Variants in ERC2 observed in about 807,000 individuals in gnomAD.
ERC2 encodes the protein ELKS/RAB6-interacting/CAST family member 2, also known as ERC protein 2.
Under a neutral mutation model 114.8 loss-of-function variants are expected in ERC2, and 42 were observed. The observed-to-expected ratio is 0.37, with a 90% CI of 0.29 to 0.47. ERC2 has a LOEUF of 0.47. ERC2 is among the 20% of genes least tolerant of loss of function. ERC2 has a pLI of 0.99. For synonymous variants in ERC2, 454 were observed against 425.5 expected (o/e 1.07, Z -0.82); for missense variants, 939 against 1,150.7 (o/e 0.82, Z 2.66).
chr3:55,876,562 G>A (rs2062856044), intron 14 of ERC2, among the ~76,000 whole-genome samples: 2 of 152,208 alleles, frequency 1.3e-5, no homozygotes, highest in Non-Finnish European at 2.9e-5. Flanking sequence ...AAACAAAAGT[G>A]GAAAGAGAGT....
chr3:56,242,745 GA>G (rs1384398946), intron 3 of ERC2, among the ~76,000 whole-genome samples: 1 of 151,958 alleles, frequency 6.6e-6, no homozygotes, highest in Non-Finnish European at 1.5e-5. Flanking sequence ...AAGAAACAAA[GA>G]AAGAAAAAGT....
At chr3:55,523,147 G>A (rs1575463510) in intron 17 of ERC2, among the ~76,000 whole-genome samples, 1 of 152,204 alleles carries the variant, frequency 6.6e-6, no homozygotes. Flanking sequence ...GAGGCATAAT[G>A]CCAGTGGGTT....
chr3:56,245,059 G>A (rs1385564280), intron 3 of ERC2, among the ~76,000 whole-genome samples: 3 of 152,052 alleles, frequency 2.0e-5, no homozygotes, highest in Non-Finnish European at 2.9e-5. Context: ...TAGCTGTATA[G>A]TAGACTATAC....
chr3:55,980,069 C>T (rs1469810928), intron 12 of ERC2, among the ~76,000 whole-genome samples: 1 of 132,804 alleles, frequency 7.5e-6, no homozygotes, highest in African/African-American at 2.9e-5. Flanking sequence ...AAAAATAATT[C>T]TATAGAACCC....
Position 56,111,774 on chromosome 3 carries a change from C to T in ERC2, c.1473+27735G>A, listed in dbSNP as rs558962602. 1.6e-4 allele frequency among the ~76,000 whole-genome samples: 24 copies of T among 152,322 alleles called. No homozygotes were observed. The East Asian group carries it at 1.9e-3, about 12-fold the overall frequency. On this transcript the variant is annotated intron_variant, in intron 6 of 17. Transcript: ENST00000288221. ...GCTCCACAAGAAAAGCCAAATGGCTCATTATGTGAAAAGTTCCAATGACTG... is the reference window on the plus strand; with the variant it reads ...GCTCCACAAGAAAAGCCAAATGGCTTATTATGTGAAAAGTTCCAATGACTG...
At chr3:56,032,929 A>AAC (rs760094752) in intron 7 of ERC2, among the ~76,000 whole-genome samples, 65 of 93,212 alleles carry the variant, frequency 7.0e-4, no homozygotes, top group Admixed American at 1.2e-3. Flanking sequence ...GAAAGAAAGA[A>AAC]AGAAAGAAAG....
At chr3:55,582,564 C>T (rs1298575019) in intron 17 of ERC2, among the ~76,000 whole-genome samples, 1 of 152,210 alleles carries the variant, frequency 6.6e-6, no homozygotes, top group East Asian at 1.9e-4. Flanking sequence ...GAATTTTGCA[C>T]AGCTAATTGA....
chr3:55,681,655 C>G (rs1377244580), intron 17 of ERC2, among the ~76,000 whole-genome samples: 2 of 152,138 alleles, frequency 1.3e-5, no homozygotes, highest in African/African-American at 4.8e-5. Flanking sequence ...TCCTCTGAAG[C>G]ATATGAAATT....
chr3:55,670,117 G>A (rs964482528), intron 17 of ERC2, among the ~76,000 whole-genome samples: 1 of 152,180 alleles, frequency 6.6e-6, no homozygotes, highest in Admixed American at 6.5e-5. Context: ...GAAAATGTAA[G>A]AAATCGCTTT....
chr3:56,121,223 A>G (rs144649976), intron 6 of ERC2, among the ~76,000 whole-genome samples: 2 of 152,264 alleles, frequency 1.3e-5, no homozygotes, highest in Non-Finnish European at 1.5e-5. Flanking sequence ...GTCTGTATGT[A>G]TGTTTGTATG....
chr3:55,673,995 C>A lies in ERC2; in HGVS notation c.*39+9799G>T, dbSNP rs1398345932. ...ACTCCTCTGACACGTGAGCAGGGAA[C>A]AATGAAGCCTCATGCCACTGCCAAG... is the stretch of plus-strand genomic sequence containing the variant. On this transcript the variant is annotated intron_variant, in intron 17 of 17. Transcript: ENST00000288221. Among the ~76,000 whole-genome samples, 3 of 152,040 alleles carry A rather than the reference C, an allele frequency of 2.0e-5. No homozygotes were observed. In the East Asian group the frequency reaches 5.8e-4, roughly 29 times the overall value.
intron 4 of ERC2, among the ~76,000 whole-genome samples, chr3:56,158,616 C>T (rs2081871248): frequency 6.6e-6 from 1 of 152,080 alleles, no homozygotes; most frequent in South Asian, 2.1e-4. Context: ...GTATCATGGA[C>T]CCATTTCCCA....
intron 11 of ERC2, among the ~76,000 whole-genome samples, chr3:55,986,447 G>GA (rs1398851139): frequency 3.3e-5 from 5 of 152,214 alleles, no homozygotes; most frequent in African/African-American, 9.6e-5. Flanking sequence ...CAGTAAGTTG[G>GA]ATGGTTATAT....
chr3:56,045,091 C>T (rs527537928), intron 7 of ERC2, among the ~76,000 whole-genome samples: 1 of 152,114 alleles, frequency 6.6e-6, no homozygotes, highest in South Asian at 2.1e-4. Context: ...AACTGAAGCT[C>T]ACTATCAATA....
At chr3:55,838,852 T>C (rs890356722) in intron 14 of ERC2, among the ~76,000 whole-genome samples, 1 of 151,796 alleles carries the variant, frequency 6.6e-6, no homozygotes, top group African/African-American at 2.4e-5. Flanking sequence ...TAAACCAGTT[T>C]CTTAAAAGAA....
intron 3 of ERC2, among the ~76,000 whole-genome samples, chr3:56,181,884 C>T (rs559824957): frequency 9.2e-5 from 14 of 152,234 alleles, no homozygotes; most frequent in African/African-American, 1.9e-4. Context: ...AAAAGCCCTG[C>T]GAATGAGCCA....
chr3:56,075,209 T>C (rs758287196), intron 7 of ERC2, among the ~76,000 whole-genome samples: 7 of 152,108 alleles, frequency 4.6e-5, no homozygotes, highest in Non-Finnish European at 8.8e-5. Context: ...CAGACTCTTA[T>C]AAAGGCAGGG....
At chr3:55,632,100 ACT>A (rs1174813129) in intron 17 of ERC2, among the ~76,000 whole-genome samples, 1 of 152,120 alleles carries the variant, frequency 6.6e-6, no homozygotes, top group Non-Finnish European at 1.5e-5. Flanking sequence ...GTGCTGAGTT[ACT>A]CTCTGAATGA....
chr3:56,164,245 TA>T (rs2082206440), intron 4 of ERC2, among the ~76,000 whole-genome samples: 1 of 152,062 alleles, frequency 6.6e-6, no homozygotes, highest in Admixed American at 6.6e-5. Context: ...ACATTAGCAG[TA>T]ACTCTTCTTT....
Sources: allele counts gnomAD v4.1 joint callset (sites outside exome capture counted in the v4.1 genomes callset), GRCh38; gene constraint gnomAD v4.1.1; transcripts MANE v1.5; gene names NCBI Gene and HGNC (gene_info 2026-07-23, HGNC 2026-07-21).